The following NCAM2 variants were observed in gnomAD, a reference collection of about 807,000 sequenced individuals.
NCAM2 encodes the protein neural cell adhesion molecule 2.
A neutral mutation model predicts 98.1 loss-of-function variants in NCAM2; 30 were observed. That is an observed-to-expected ratio of 0.31 (90% confidence interval 0.23 to 0.41). The LOEUF is 0.41. Among genes scored for constraint, NCAM2 ranks in the 10% least tolerant of loss-of-function variants. The probability of loss-of-function intolerance (pLI) is 1.00; values close to 1 mark genes in which losing one functional copy is unlikely to be tolerated. For synonymous variants in NCAM2, 368 were observed against 342.4 expected (o/e 1.07, Z -0.83); for missense variants, 867 against 1,005.8 (o/e 0.86, Z 1.87).
At chr21:21,477,575 G>A (rs1410225424) in intron 15 of NCAM2, 104 bp downstream of exon 15, 1 of 917,796 alleles carries the variant, frequency 1.1e-6, no homozygotes, top group Non-Finnish European at 1.5e-6. Flanking sequence ...AAACTGAAAT[G>A]TAAATTCCAG....
chr21:21,287,269 A>C (rs1408186795), intron 4 of NCAM2, among the ~76,000 whole-genome samples: 1 of 151,996 alleles, frequency 6.6e-6, no homozygotes, highest in African/African-American at 2.4e-5. Flanking sequence ...TGAAGATTCT[A>C]CAGCATAAAG....
In NCAM2 at chr21:21,082,312, A is replaced by T. The variant is rs1601315773; in HGVS notation, c.55+83694A>T. On this transcript the variant is annotated intron_variant, in intron 1 of 17. Coordinates refer to ENST00000400546, the MANE Select transcript of NCAM2 (RefSeq NM_004540.5). Reference sequence around the variant, plus strand: ...AAAAAAAACAAAACAAAAACACCTTATTGATTGCAGTAAGTACAGAAGTGC... The same window carrying T: ...AAAAAAAACAAAACAAAAACACCTTTTTGATTGCAGTAAGTACAGAAGTGC... Among the ~76,000 whole-genome samples the T allele has an allele frequency of 2.7e-5, 4 of 147,934 alleles. No individual in the cohort carries two copies. In the East Asian group the frequency reaches 7.9e-4, roughly 29 times the overall value.
intron 12 of NCAM2, among the ~76,000 whole-genome samples, chr21:21,436,483 G>A (rs1978341118): frequency 6.6e-6 from 1 of 152,074 alleles, no homozygotes; most frequent in African/African-American, 2.4e-5. Flanking sequence ...ATTGTATTGT[G>A]CATATTTTAA....
Position 21,466,601 on chromosome 21 carries a change from T to A in NCAM2, c.1655-5T>A, listed in dbSNP as rs966659424. 6.4e-6 allele frequency: 10 copies of A among 1,567,570 alleles called. No homozygotes were observed. Among genetic ancestry groups the A allele is most frequent in the Non-Finnish European group, 7.8e-6 (9 of 1,154,840 alleles). Reference sequence around the variant, plus strand: ...TTATTTTGTTTTGTTTTGTTTTTCTTCTAGCAATGGTTGTTTTGAACAACC... The same window carrying A: ...TTATTTTGTTTTGTTTTGTTTTTCTACTAGCAATGGTTGTTTTGAACAACC... On this transcript the variant is annotated splice_polypyrimidine_tract_variant and splice_region_variant and intron_variant, in intron 12 of 17. Transcript: ENST00000400546.
chr21:21,367,521 C>T (rs2075817200), intron 8 of NCAM2, among the ~76,000 whole-genome samples: 1 of 151,766 alleles, frequency 6.6e-6, no homozygotes, highest in African/African-American at 2.4e-5. Context: ...AGTCTAGCAG[C>T]AAAATAAACT....
chr21:21,501,012 A>G (rs1327027734), intron 15 of NCAM2, among the ~76,000 whole-genome samples: 1 of 152,036 alleles, frequency 6.6e-6, no homozygotes, highest in Non-Finnish European at 1.5e-5. Context: ...TTATTTTTGA[A>G]CACTATTTTG....
chr21:21,135,079 C>CA (rs34541675), intron 1 of NCAM2, among the ~76,000 whole-genome samples: 1,654 of 139,540 alleles, frequency 0.012, 19 homozygotes, highest in South Asian at 0.029. Context: ...ACTAAAAATA[C>CA]AAAAAAAAAA....
chr21:21,249,034 A>AT (rs2071387858), intron 1 of NCAM2, among the ~76,000 whole-genome samples: 1 of 152,070 alleles, frequency 6.6e-6, no homozygotes. Flanking sequence ...TGAGAAATGC[A>AT]TTTTTTATCC....
chr21:21,503,589 T>C (rs1987774847), intron 15 of NCAM2, among the ~76,000 whole-genome samples: 1 of 151,976 alleles, frequency 6.6e-6, no homozygotes, highest in African/African-American at 2.4e-5. Flanking sequence ...CAGTTGACTA[T>C]AGATAACCGA....
At chr21:21,270,467 A>G (rs2072450803) in intron 1 of NCAM2, among the ~76,000 whole-genome samples, 1 of 152,182 alleles carries the variant, frequency 6.6e-6, no homozygotes, top group African/African-American at 2.4e-5. Flanking sequence ...AAAATATGAG[A>G]CAGGTGGTCC....
intron 1 of NCAM2, among the ~76,000 whole-genome samples, chr21:21,019,315 A>G (rs2064381030): frequency 6.6e-6 from 1 of 152,196 alleles, no homozygotes; most frequent in East Asian, 1.9e-4. Context: ...TTTTATTTGT[A>G]GAGATGCACA....
intron 10 of NCAM2, among the ~76,000 whole-genome samples, chr21:21,416,694 T>G (rs1207442425): frequency 2.0e-5 from 3 of 152,156 alleles, no homozygotes; most frequent in Admixed American, 2.0e-4. Context: ...TTTTAAACAT[T>G]TAAATATTTT....
Position 21,057,886 on chromosome 21 carries a change from A to G in NCAM2, c.55+59268A>G, listed in dbSNP as rs560518640. Among the ~76,000 whole-genome samples the G allele has an allele frequency of 6.6e-5, 10 of 151,924 alleles. No homozygotes were observed. The South Asian group carries it at 2.1e-3, about 32-fold the overall frequency. On this transcript the variant is annotated intron_variant, in intron 1 of 17. Transcript: ENST00000400546. ...TCTCTATGGGATATCCCTCACGTTA[A>G]CTTTCCCTACCCCTTATGGAGACTC... is the stretch of plus-strand genomic sequence containing the variant.
At chr21:21,280,779 G>A (rs1012523) in intron 2 of NCAM2, 127 bp downstream of exon 2, 150,387 of 611,334 alleles carry the variant, frequency 0.25, 20,247 homozygotes, top group Non-Finnish European at 0.29. Flanking sequence ...TTGGTTTTTT[G>A]TTTTTGTTTT....
chr21:21,091,902 A>G lies in NCAM2; in HGVS notation c.55+93284A>G, dbSNP rs1006255507. Among the ~76,000 whole-genome samples the G allele has an allele frequency of 2.0e-5, 3 of 152,130 alleles. No homozygotes were observed. The East Asian group carries it at 5.8e-4, about 29-fold the overall frequency. ...ATGCTGTGAAAATGTTCACAGCGACATCTTGAAAGCTAATATTCATTTTTG... is the reference window on the plus strand; with the variant it reads ...ATGCTGTGAAAATGTTCACAGCGACGTCTTGAAAGCTAATATTCATTTTTG... On this transcript the variant is annotated intron_variant, in intron 1 of 17. Transcript: ENST00000400546.
chr21:21,516,691 T>C (rs1219923836), intron 16 of NCAM2, among the ~76,000 whole-genome samples: 1 of 152,084 alleles, frequency 6.6e-6, no homozygotes, highest in Non-Finnish European at 1.5e-5. Flanking sequence ...ACTTCCTCCC[T>C]CACTGCTTAA....
chr21:21,052,530 A>G (rs974797738), intron 1 of NCAM2, among the ~76,000 whole-genome samples: 5 of 151,836 alleles, frequency 3.3e-5, no homozygotes, highest in Admixed American at 1.3e-4. Flanking sequence ...GATTCCCCAA[A>G]TCTTAGGCTG....
chr21:21,298,702 G>T (rs1019212477), intron 5 of NCAM2, among the ~76,000 whole-genome samples: 6 of 151,412 alleles, frequency 4.0e-5, no homozygotes, highest in African/African-American at 1.5e-4. Context: ...ATAAGTAATT[G>T]ATTTGAGTAT....
chr21:21,467,363 C>A (rs1983817546), intron 13 of NCAM2, among the ~76,000 whole-genome samples: 1 of 145,568 alleles, frequency 6.9e-6, no homozygotes, highest in Non-Finnish European at 1.5e-5. Flanking sequence ...ATGCGTAACA[C>A]TGCCTGATAT....
Sources: gnomAD v4.1 joint callset for allele counts (sites outside exome capture counted in the v4.1 genomes callset) on GRCh38, gnomAD v4.1.1 for gene constraint, MANE v1.5 for transcripts, NCBI Gene and HGNC (gene_info 2026-07-23, HGNC 2026-07-21) for gene names.